The following SLC20A2 variants were observed in gnomAD, a reference collection of about 807,000 sequenced individuals.
SLC20A2 encodes the protein sodium-dependent phosphate transporter 2.
Under a neutral mutation model 61.0 loss-of-function variants are expected in SLC20A2, and 30 were observed. The ratio of observed to expected loss-of-function variants is 0.49; its 90% CI spans 0.37 to 0.67. The LOEUF is 0.67. Ranked by LOEUF, SLC20A2 falls within the 30% of genes least tolerant of loss-of-function variation. SLC20A2 has a pLI of 0.00. For missense variants in SLC20A2, 626 were observed against 866.4 expected (o/e 0.72, Z 3.48); for synonymous variants, 351 against 353.3 (o/e 0.99, Z 0.07).
intron 10 of SLC20A2, among the ~76,000 whole-genome samples, chr8:42,424,191 T>C (rs964791251): frequency 6.6e-6 from 1 of 152,242 alleles, no homozygotes. Context: ...TGTTATCTGC[T>C]AGGGCTAAAG....
intron 1 of SLC20A2, among the ~76,000 whole-genome samples, chr8:42,532,675 A>C (rs1812409109): frequency 6.6e-6 from 1 of 152,236 alleles, no homozygotes; most frequent in South Asian, 2.1e-4. Context: ...TCAAGGACCA[A>C]GTGCACAAGG....
At chr8:42,506,375 G>A (rs1341746179) in intron 1 of SLC20A2, among the ~76,000 whole-genome samples, 1 of 152,200 alleles carries the variant, frequency 6.6e-6, no homozygotes, top group Non-Finnish European at 1.5e-5. Flanking sequence ...CCTGTAAAAT[G>A]GGGATAATGT....
At chr8:42,432,235 T>C (rs1027330107) in intron 8 of SLC20A2, among the ~76,000 whole-genome samples, 6 of 152,208 alleles carry the variant, frequency 3.9e-5, no homozygotes, top group African/African-American at 1.4e-4. Flanking sequence ...AAGAAGCTGA[T>C]TCCAACTCTC....
intron 10 of SLC20A2, among the ~76,000 whole-genome samples, chr8:42,425,986 A>C (rs1316228226): frequency 6.6e-6 from 1 of 152,124 alleles, no homozygotes; most frequent in Non-Finnish European, 1.5e-5. Context: ...CAGTGAGTGG[A>C]GATGGCGCCA....
intron 7 of SLC20A2, among the ~76,000 whole-genome samples, chr8:42,438,073 A>AC (rs1356843592): frequency 1.3e-5 from 2 of 149,062 alleles, no homozygotes; most frequent in Non-Finnish European, 3.0e-5. Context: ...CAAAAAAAAA[A>AC]AAAAAAAAAA....
At chr8:42,427,692 C>T (rs1007969800) in intron 10 of SLC20A2, among the ~76,000 whole-genome samples, 1 of 152,206 alleles carries the variant, frequency 6.6e-6, no homozygotes, top group African/African-American at 2.4e-5. Flanking sequence ...AAACACGCTG[C>T]TGGGCCACTC....
At chr8:42,442,902 G>A (rs1399714034) in intron 6 of SLC20A2, among the ~76,000 whole-genome samples, 1 of 151,996 alleles carries the variant, frequency 6.6e-6, no homozygotes, top group Non-Finnish European at 1.5e-5. Flanking sequence ...TGACCCTATG[G>A]TACATGCTGA....
At chr8:42,526,093 G>T (rs1811915924) in intron 1 of SLC20A2, among the ~76,000 whole-genome samples, 2 of 152,198 alleles carry the variant, frequency 1.3e-5, no homozygotes, top group South Asian at 4.1e-4. Context: ...ACAGAAACAG[G>T]TAAGAAGGAG....
intron 1 of SLC20A2, among the ~76,000 whole-genome samples, chr8:42,521,274 C>A (rs1276276514): frequency 8.2e-6 from 1 of 121,382 alleles, no homozygotes; most frequent in East Asian, 2.6e-4. Context: ...TAAAAAGTAA[C>A]AAACTGCTGA....
At chr8:42,517,817 GAAACT>G (rs1241091027) in intron 1 of SLC20A2, among the ~76,000 whole-genome samples, 1 of 152,102 alleles carries the variant, frequency 6.6e-6, no homozygotes, top group Non-Finnish European at 1.5e-5. Flanking sequence ...AAGACATCCA[GAAACT>G]AAGAAATCTG....
At chr8:42,534,532 A>T (rs1586293131) in intron 1 of SLC20A2, 2 of 152,240 alleles carry the variant, frequency 1.3e-5, no homozygotes, top group Non-Finnish European at 2.9e-5. Context: ...GTAATGCTGG[A>T]AAGAACAGAA....
intron 1 of SLC20A2, among the ~76,000 whole-genome samples, chr8:42,519,251 C>T (rs1363746460): frequency 6.6e-6 from 1 of 152,122 alleles, no homozygotes; most frequent in African/African-American, 2.4e-5. Flanking sequence ...TGAGACCATC[C>T]TGGCCAACAT....
intron 8 of SLC20A2, 131 bp downstream of exon 8, chr8:42,436,858 G>T: frequency 1.3e-6 from 1 of 786,144 alleles, no homozygotes; most frequent in Admixed American, 2.9e-5. Flanking sequence ...TCTGTCCACC[G>T]CCTGCGCACC....
intron 1 of SLC20A2, among the ~76,000 whole-genome samples, chr8:42,525,021 T>C (rs1290620484): frequency 6.6e-6 from 1 of 152,190 alleles, no homozygotes. Context: ...GCTGTTTTGT[T>C]TTTTTCTGAA....
rs565986549 is a variant in SLC20A2, at chr8:42,437,844, A to G, written c.935-267T>C. On this transcript the variant is annotated intron_variant, in intron 7 of 10. Transcript: ENST00000520262. The surrounding 1 kb of genome is among the most constrained non-coding windows in gnomAD (Gnocchi z 6.4). ...TTGGCCAGGATGGTCTCAAGCTCCT[A>G]ACCTCATGATCCGCCCACCTTGGCC... is the stretch of plus-strand genomic sequence containing the variant. 1.3e-5 allele frequency among the ~76,000 whole-genome samples: 2 copies of G among 151,436 alleles called. No individual in the cohort carries two copies. Among genetic ancestry groups the G allele is most frequent in the Non-Finnish European group, 2.9e-5 (2 of 67,826 alleles).
At chr8:42,438,073 A>AAAAAAAAAAAAAAAAAAG (rs1804468464) in intron 7 of SLC20A2, among the ~76,000 whole-genome samples, 1 of 149,064 alleles carries the variant, frequency 6.7e-6, no homozygotes, top group African/African-American at 2.5e-5. Context: ...CAAAAAAAAA[A>AAAAAAAAAAAAAAAAAAG]AAAAAAAAAA....
At chr8:42,448,610 C>G (rs377563111) in intron 5 of SLC20A2, among the ~76,000 whole-genome samples, 4 of 152,192 alleles carry the variant, frequency 2.6e-5, no homozygotes, top group Non-Finnish European at 4.4e-5. Context: ...ACTGATGTGG[C>G]CTGGGATACA....
intron 1 of SLC20A2, among the ~76,000 whole-genome samples, chr8:42,540,375 TTAAG>T (rs1237013761): frequency 1.3e-5 from 2 of 152,192 alleles, no homozygotes; most frequent in Non-Finnish European, 2.9e-5. Context: ...TTTTTTTAGA[TTAAG>T]TTACATAAAG....
intron 10 of SLC20A2, among the ~76,000 whole-genome samples, chr8:42,418,278 T>A (rs1267068452): frequency 3.9e-5 from 6 of 152,210 alleles, no homozygotes. Context: ...GCAATTCTCC[T>A]GCCTCAGCCT....
Sources: gnomAD v4.1 joint callset for allele counts (sites outside exome capture counted in the v4.1 genomes callset) on GRCh38, gnomAD v4.1.1 for gene constraint, Gnocchi (gnomAD v3.1) non-coding constraint, MANE v1.5 for transcripts, NCBI Gene and HGNC (gene_info 2026-07-23, HGNC 2026-07-21) for gene names.